ZNF81: variants seen among roughly 807,000 people sequenced by gnomAD.
ZNF81 encodes the protein zinc finger protein 81 (HFZ20).
A neutral mutation model predicts 32.3 loss-of-function variants in ZNF81; 5 were observed. The ratio of observed to expected loss-of-function variants is 0.15; its 90% confidence interval spans 0.08 to 0.33. The LOEUF (loss-of-function observed/expected upper bound fraction) is 0.33, where lower values mean the gene tolerates loss of function less well. Ranked by LOEUF, ZNF81 falls within the 10% of genes least tolerant of loss-of-function variation. The probability of loss-of-function intolerance (pLI) is 1.00; values close to 1 mark genes in which losing one functional copy is unlikely to be tolerated. For synonymous variants in ZNF81, 163 were observed against 166.8 expected (o/e 0.98, Z 0.17); for missense variants, 379 against 479.8 (o/e 0.79, Z 1.96).
chrX:47,840,974 G>C lies in ZNF81; in HGVS notation c.-164+3987G>C, dbSNP rs2058446872. 4 of 624,076 alleles carry C rather than the reference G, an allele frequency of 6.4e-6. No individual in the cohort carries two copies. In the South Asian group the frequency reaches 7.0e-5, roughly 11 times the overall value. The allele number at this position is 624,076 out of a possible 1,213,427, so 51.4% of individuals were successfully genotyped here. On this transcript the variant is annotated intron_variant, in intron 1 of 4. Transcript: ENST00000338637. The stretch of plus-strand genomic sequence containing the variant: ...TTTGGCACCTGGGTCTAGTTCAGCT[G>C]GTGGATGAGCAGATTGATGTGTTCA...
rs984767481 is a variant in ZNF81, at chrX:47,919,091, G to C, written c.*2459G>C. 14 of 322,257 alleles carry C rather than the reference G, an allele frequency of 4.3e-5. No homozygotes were observed. Among genetic ancestry groups the C allele is most frequent in the African/African-American group, 3.7e-4 (14 of 37,445 alleles). 26.6% of individuals were successfully genotyped at this position (322,257 alleles called of 1,213,427 possible). On this transcript the variant is annotated 3_prime_UTR_variant, in exon 5 of 5. Transcript: ENST00000338637. ...GACTTGAGATTCTGGATTGGAGCTT[G>C]ATGCCACAATTTTGGATGAGAAATT...
rs554661334 is a variant in ZNF81 at position 47,878,137 on chromosome X, C to T, written c.55-9862C>T. Among the ~76,000 whole-genome samples the T allele has an allele frequency of 5.2e-4, 58 of 112,001 alleles. No individual in the cohort carries two copies. The South Asian group carries it at 0.02, about 38-fold the overall frequency. ...AAACTTTACATCCCCTCCTGCCTGTCGTGCAACCAGACCAGCCAAAGTTCT... is the reference window on the plus strand; with the variant it reads ...AAACTTTACATCCCCTCCTGCCTGTTGTGCAACCAGACCAGCCAAAGTTCT... On this transcript the variant is annotated intron_variant, in intron 2 of 4. Coordinates refer to ENST00000338637, the MANE Select transcript of ZNF81 (RefSeq NM_007137.5).
chrX:47,895,974 G>C, intron 4 of ZNF81, 34 bp downstream of exon 4: 1 of 1,081,833 alleles, frequency 9.2e-7, no homozygotes, highest in Non-Finnish European at 1.3e-6. Flanking sequence ...ATGGGGACAC[G>C]AAGTAATTTT....
At position 47,919,812 on chromosome X, in the gene ZNF81, T is replaced by C. The variant is rs1465981711; in HGVS notation, c.*3180T>C. 9.0e-6 allele frequency: 1 copy of C among 111,434 alleles called. No homozygotes were observed. The highest frequency in any genetic ancestry group is 1.9e-5 in the Non-Finnish European group (1 of 53,106). The allele number at this position is 111,434 out of a possible 1,213,427, so 9.2% of individuals were successfully genotyped here. A position where few individuals can be genotyped will look rare whatever the true frequency, so the allele number is the denominator to read the frequency against. On this transcript the variant is annotated 3_prime_UTR_variant, in exon 5 of 5. Transcript: ENST00000338637. Reference sequence around the variant, plus strand: ...CATTGAGGATTAGGATTTTAACATATGAATTTTGGGGGGGATGCAATCATT... The same window carrying C: ...CATTGAGGATTAGGATTTTAACATACGAATTTTGGGGGGGATGCAATCATT...
intron 4 of ZNF81, among the ~76,000 whole-genome samples, chrX:47,911,419 C>A (rs1309736619): frequency 7.4e-5 from 7 of 95,103 alleles, no homozygotes; most frequent in Non-Finnish European, 1.1e-4. Flanking sequence ...ATTTATTATT[C>A]TTCCCTATTT....
At position 47,916,376 on chromosome X, in the gene ZNF81, C is replaced by A; in HGVS notation, c.1730C>A (p.Thr577Asn). ...SELITHQRIH[T>N]TEKPYKCPDC... ...TTGATTACACATCAGAGAATTCATA[C>A]TACAGAGAAGCCTTATAAATGTCCT... Residue 577 changes from threonine (T) to asparagine (N), a missense_variant, in exon 5 of 5, where the codon ACT (threonine) becomes AAT (asparagine). Coordinates refer to ENST00000338637, the MANE Select transcript of ZNF81 (RefSeq NM_007137.5). 8.3e-7 allele frequency: 1 copy of A among 1,211,582 alleles called. No individual in the cohort carries two copies. Among genetic ancestry groups the A allele is most frequent in the Non-Finnish European group, 1.1e-6 (1 of 895,500 alleles).
chrX:47,923,554 G>A lies in ZNF81; in HGVS notation c.*6922G>A, dbSNP rs1362620599. Among the ~76,000 whole-genome samples the A allele has an allele frequency of 8.9e-6, 1 of 111,901 alleles. No individual in the cohort carries two copies. The highest frequency in any genetic ancestry group is 1.9e-5 in the Non-Finnish European group (1 of 53,174). On this transcript the variant is annotated 3_prime_UTR_variant, in exon 5 of 5. Transcript: ENST00000338637. Reference sequence around the variant, plus strand: ...ATATGAGGATGGAAAATTGGTTCTTGATTTTATGACACAGAGGTTGTTGTT... The same window carrying A: ...ATATGAGGATGGAAAATTGGTTCTTAATTTTATGACACAGAGGTTGTTGTT...
At chrX:47,847,816 T>C (rs1283208916) in intron 2 of ZNF81, among the ~76,000 whole-genome samples, 1 of 112,526 alleles carries the variant, frequency 8.9e-6, no homozygotes, top group Non-Finnish European at 1.9e-5. Context: ...TGTATAAATT[T>C]ATGTGTAGAA....
intron 3 of ZNF81, 67 bp from the exon 4 acceptor site, chrX:47,895,778 T>C: frequency 1.2e-6 from 1 of 807,428 alleles, no homozygotes; most frequent in African/African-American, 2.0e-5. Flanking sequence ...GAAATGTGGT[T>C]ACTTCTCCAA....
chrX:47,856,251 C>T (rs1171715535), intron 2 of ZNF81, among the ~76,000 whole-genome samples: 1 of 110,604 alleles, frequency 9.0e-6, no homozygotes, highest in Non-Finnish European at 1.9e-5. Context: ...ATTATTCCCA[C>T]AGAAGAGATA....
rs991031697 is a variant in ZNF81, at chrX:47,839,218, G to A, written c.-164+2231G>A. Among the ~76,000 whole-genome samples the A allele has an allele frequency of 2.8e-4, 31 of 111,951 alleles. No homozygotes were observed. The East Asian group carries it at 8.6e-3, about 31-fold the overall frequency. On this transcript the variant is annotated intron_variant, in intron 1 of 4. Coordinates refer to ENST00000338637, the MANE Select transcript of ZNF81 (RefSeq NM_007137.5). ...TATTTAAATATTTAAATATTTGGTA[G>A]ACTTCTCCAGTGAAGCCATCTGGGC...
At chrX:47,909,409 A>T (rs1217893504) in intron 4 of ZNF81, among the ~76,000 whole-genome samples, 4 of 110,668 alleles carry the variant, frequency 3.6e-5, no homozygotes, top group Admixed American at 9.6e-5. Context: ...TCCCACTAAG[A>T]TGCACTAGCT....
Position 47,914,943 on chromosome X carries a change from G to A in ZNF81, c.297G>A (p.Lys99=). The change falls in exon 5 of 5, where the codon AAG becomes AAA. Residue 99 remains lysine (K), a synonymous_variant. Transcript: ENST00000338637. Reference sequence around the variant, plus strand: ...TTTTAGATGGGAAATTTGGAATTAAGCCTTCCCAGAGGAGAATTTCTGGGA... The same window carrying A: ...TTTTAGATGGGAAATTTGGAATTAAACCTTCCCAGAGGAGAATTTCTGGGA... ...QSCSDGKFGI[K]PSQRRISGKS... The A allele has an allele frequency of 8.3e-7, 1 of 1,208,363 alleles. No homozygotes were observed.
chrX:47,841,022 T>C, intron 1 of ZNF81: 1 of 849,826 alleles, frequency 1.2e-6, no homozygotes, highest in Non-Finnish European at 1.7e-6. Context: ...GGTGTGCCCG[T>C]CTCCTTGAGG....
At position 47,915,685 on chromosome X, in the gene ZNF81, A is replaced by T. The variant is rs1194218619; in HGVS notation, c.1039A>T (p.Met347Leu). ...CTTCATCCAGAATTCAGAATTAATT[A>T]TGCATGAGAAAACTCATACTAGAGA... ...KAFIQNSELIMHEKTHTREKP... is the reference protein window; with the variant it reads ...KAFIQNSELILHEKTHTREKP... Residue 347 changes from methionine to leucine, a missense_variant, in exon 5 of 5, where the codon ATG (methionine) becomes TTG (leucine). Coordinates refer to ENST00000338637, the MANE Select transcript of ZNF81 (RefSeq NM_007137.5). 2 of 1,209,856 alleles carry T rather than the reference A, an allele frequency of 1.7e-6. No individual in the cohort carries two copies. Among genetic ancestry groups the T allele is most frequent in the South Asian group, 1.8e-5 (1 of 56,605 alleles).
In ZNF81 at chrX:47,919,286, T is replaced by C; in HGVS notation, c.*2654T>C. The C allele has an allele frequency of 9.6e-6, 3 of 312,309 alleles. No individual in the cohort carries two copies. Among genetic ancestry groups the C allele is most frequent in the South Asian group, 8.6e-5 (3 of 34,714 alleles). 25.7% of individuals were successfully genotyped at this position (312,309 alleles called of 1,213,427 possible). ...TCTTTGTGTTTCAGTTAGGATAATT[T>C]CTATTGATCTGTCTTCAAATTCACT... On this transcript the variant is annotated 3_prime_UTR_variant, in exon 5 of 5. Transcript: ENST00000338637.
At position 47,917,187 on chromosome X, in the gene ZNF81, A is replaced by G. The variant is rs1423424492; in HGVS notation, c.*555A>G. The G allele has an allele frequency of 1.0e-5, 3 of 293,505 alleles. No individual in the cohort carries two copies. The highest frequency in any genetic ancestry group is 1.2e-5 in the Non-Finnish European group (2 of 168,396). The allele number at this position is 293,505 out of a possible 1,213,427, so 24.2% of individuals were successfully genotyped here. A position where few individuals can be genotyped will look rare whatever the true frequency, so the allele number is the denominator to read the frequency against. Reference sequence around the variant, plus strand: ...CAAATGTTTCTTACTGAATATGTCTATCAAATATGTTTCTTATTGAATATT... The same window carrying G: ...CAAATGTTTCTTACTGAATATGTCTGTCAAATATGTTTCTTATTGAATATT... On this transcript the variant is annotated 3_prime_UTR_variant, in exon 5 of 5. Coordinates refer to ENST00000338637, the MANE Select transcript of ZNF81 (RefSeq NM_007137.5).
At chrX:47,846,348 G>GATTGGA in intron 2 of ZNF81, 27 bp downstream of exon 2, 1 of 1,200,565 alleles carries the variant, frequency 8.3e-7, no homozygotes, top group Non-Finnish European at 1.1e-6. Context: ...GGTGCCCAGG[G>GATTGGA]ATTGGAATTC....
intron 2 of ZNF81, among the ~76,000 whole-genome samples, chrX:47,884,592 G>T (rs1296595628): frequency 8.9e-6 from 1 of 112,020 alleles, no homozygotes; most frequent in Non-Finnish European, 1.9e-5. Context: ...AGAGTGATTT[G>T]CTATGCATCA....
Sources: gnomAD v4.1 joint callset for allele counts (sites outside exome capture counted in the v4.1 genomes callset) on GRCh38, gnomAD v4.1.1 for gene constraint, MANE v1.5 for transcripts, NCBI Gene and HGNC (gene_info 2026-07-23, HGNC 2026-07-21) for gene names.